UXS1: variants seen among roughly 807,000 people sequenced by gnomAD.
UXS1 encodes the protein UDP-glucuronate decarboxylase 1.
Under a neutral mutation model 62.6 loss-of-function variants are expected in UXS1, and 33 were observed. The observed-to-expected ratio is 0.53, with a 90% CI of 0.40 to 0.70. UXS1 has a LOEUF of 0.70. Among genes scored for constraint, UXS1 ranks in the 30% least tolerant of loss-of-function variants. UXS1 has a pLI of 0.00. For synonymous variants in UXS1, 213 were observed against 206.8 expected (o/e 1.03, Z -0.26); for missense variants, 434 against 556.3 (o/e 0.78, Z 2.21).
intron 6 of UXS1, among the ~76,000 whole-genome samples, chr2:106,139,957 C>T (rs900874086): frequency 1.4e-4 from 21 of 152,316 alleles, no homozygotes; most frequent in African/African-American, 4.6e-4. Flanking sequence ...TACTCCCCAA[C>T]GAGATGTCCC....
intron 9 of UXS1, among the ~76,000 whole-genome samples, chr2:106,120,247 A>G (rs527420076): frequency 1.0e-3 from 155 of 152,324 alleles, no homozygotes; most frequent in Admixed American, 2.2e-3. Flanking sequence ...CCTGGAGCTC[A>G]GGCAATACCA....
At chr2:106,112,850 T>C (rs1678731472) in intron 9 of UXS1, 85 bp from the exon 10 acceptor site, 5 of 1,506,272 alleles carry the variant, frequency 3.3e-6, no homozygotes, top group Non-Finnish European at 3.5e-6. Context: ...CTGCATGCAA[T>C]GCAGAATGGA....
intron 9 of UXS1, among the ~76,000 whole-genome samples, chr2:106,116,721 T>C (rs1397888140): frequency 6.6e-6 from 1 of 152,240 alleles, no homozygotes; most frequent in South Asian, 2.1e-4. Flanking sequence ...GTGGAGTGGC[T>C]TGAGCCTGTG....
chr2:106,127,635 T>TA (rs1235880334), intron 7 of UXS1, among the ~76,000 whole-genome samples: 1 of 152,004 alleles, frequency 6.6e-6, no homozygotes, highest in Non-Finnish European at 1.5e-5. Flanking sequence ...GTGGGCAAGT[T>TA]ACATAGAGGA....
intron 1 of UXS1, among the ~76,000 whole-genome samples, chr2:106,177,179 T>C (rs1573572715): frequency 6.8e-6 from 1 of 147,108 alleles, no homozygotes; most frequent in African/African-American, 2.5e-5. Context: ...TAAAGCTACA[T>C]GCATTTTTTT....
Position 106,093,808 on chromosome 2 carries a change from C to T in UXS1, c.*218G>A. On this transcript the variant is annotated 3_prime_UTR_variant, in exon 15 of 15. Transcript: ENST00000283148. ...GCAGAGATGCATCTACGCTATTTTA[C>T]ATAAAAAGAGAGATTCAAAAAGTGC... The T allele has an allele frequency of 1.9e-6, 1 of 532,082 alleles. No individual in the cohort carries two copies. The highest frequency in any genetic ancestry group is 4.1e-5 in the South Asian group (1 of 24,234). The allele number at this position is 532,082 out of a possible 1,614,324, so 33.0% of individuals were successfully genotyped here. A position where few individuals can be genotyped will look rare whatever the true frequency, so the allele number is the denominator to read the frequency against.
At chr2:106,186,489 T>C (rs1054300293) in intron 1 of UXS1, among the ~76,000 whole-genome samples, 1 of 136,770 alleles carries the variant, frequency 7.3e-6, no homozygotes, top group Non-Finnish European at 1.6e-5. Flanking sequence ...TACATGAATA[T>C]ACGTAAATAT....
rs1280320593 is a variant in UXS1 at position 106,143,427 on chromosome 2, AAAAAAAAAAAAG to A, written c.472+1751_472+1762del. 8.4e-3 allele frequency among the ~76,000 whole-genome samples: 1,245 copies of A among 147,978 alleles called. 18 individuals carry two copies. The highest frequency in any genetic ancestry group is 0.014 in the Non-Finnish European group (962 of 66,790). ...CCGTCTCAAAAAAAAAAAAAAAAAA[AAAAAAAAAAAAG>A]GTATAATTTGGGCAGCACTTAGTGA... On this transcript the variant is annotated intron_variant, in intron 6 of 14. Coordinates refer to ENST00000283148, the MANE Select transcript of UXS1 (RefSeq NM_001253875.2).
intron 1 of UXS1, among the ~76,000 whole-genome samples, chr2:106,192,296 T>C (rs1467902588): frequency 1.3e-5 from 2 of 152,224 alleles, no homozygotes; most frequent in Non-Finnish European, 2.9e-5. Context: ...GGCTTACGCC[T>C]GTAATCCCAG....
At position 106,170,448 on chromosome 2, in the gene UXS1, A is replaced by G. The variant is rs1204487708; in HGVS notation, c.95-4365T>C. On this transcript the variant is annotated intron_variant, in intron 1 of 14. Transcript: ENST00000283148. ...TTTACATTTGTTACACCAGGCATAC[A>G]TGGTCCAAGCACTAAAATTCGTTGA... Among the ~76,000 whole-genome samples, 6 of 152,228 alleles carry G rather than the reference A, an allele frequency of 3.9e-5. No individual in the cohort carries two copies. In the East Asian group the frequency reaches 7.7e-4, roughly 20 times the overall value.
intron 4 of UXS1, among the ~76,000 whole-genome samples, chr2:106,162,957 A>C (rs1682991975): frequency 6.6e-6 from 1 of 152,234 alleles, no homozygotes; most frequent in African/African-American, 2.4e-5. Flanking sequence ...AATAAGGGGA[A>C]AAAATCACAT....
chr2:106,098,828 C>A, intron 12 of UXS1, 55 bp from the exon 13 acceptor site: 1 of 1,514,048 alleles, frequency 6.6e-7, no homozygotes, highest in Admixed American at 1.8e-5. Context: ...AGCAATCCAC[C>A]ACCCAGACCA....
intron 1 of UXS1, among the ~76,000 whole-genome samples, chr2:106,178,675 C>T (rs969320285): frequency 3.9e-5 from 6 of 152,046 alleles, no homozygotes; most frequent in Non-Finnish European, 8.8e-5. Flanking sequence ...ATCTCTTTTA[C>T]AACATTCCAC....
At chr2:106,109,755 C>G (rs1320304632) in intron 10 of UXS1, among the ~76,000 whole-genome samples, 1 of 152,192 alleles carries the variant, frequency 6.6e-6, no homozygotes, top group Non-Finnish European at 1.5e-5. Flanking sequence ...GCATCTGGTA[C>G]AGCAACGAGT....
rs562406856 is a variant in UXS1, at chr2:106,194,227, C to T, written c.15G>A (p.Ala5=). MVSK[A]LLRLVSAVNR... ...TGACGGCAGACACGAGGCGCAGCAGCGCCTTGCTCACCATCCCCGGGAGCC... is the reference window on the plus strand; with the variant it reads ...TGACGGCAGACACGAGGCGCAGCAGTGCCTTGCTCACCATCCCCGGGAGCC... Residue 5 remains alanine (A), a synonymous_variant, in exon 1 of 15, where the codon GCG becomes GCA. Coordinates refer to ENST00000283148, the MANE Select transcript of UXS1 (RefSeq NM_001253875.2). The T allele has an allele frequency of 2.8e-6, 4 of 1,449,474 alleles. No homozygotes were observed. The African/African-American group carries it at 4.4e-5, about 16-fold the overall frequency. The allele number at this position is 1,449,474 out of a possible 1,614,324, so 89.8% of individuals were successfully genotyped here.
intron 11 of UXS1, chr2:106,102,453 A>G (rs915113703): frequency 1.3e-5 from 2 of 152,198 alleles, no homozygotes; most frequent in Non-Finnish European, 2.9e-5. Context: ...TTACATGACA[A>G]ACTGGCAACT....
intron 1 of UXS1, among the ~76,000 whole-genome samples, chr2:106,169,339 A>G (rs1264110604): frequency 2.0e-5 from 3 of 152,170 alleles, no homozygotes; most frequent in Non-Finnish European, 4.4e-5. Context: ...AGACTTTTCA[A>G]ATCATTCCAT....
chr2:106,154,551 G>A (rs886513065), intron 5 of UXS1, among the ~76,000 whole-genome samples: 4 of 152,160 alleles, frequency 2.6e-5, no homozygotes, highest in South Asian at 2.1e-4. Flanking sequence ...CTGGCAATAC[G>A]AGAAGCTGGG....
intron 5 of UXS1, among the ~76,000 whole-genome samples, chr2:106,150,840 T>C (rs1280707642): frequency 6.6e-6 from 1 of 152,132 alleles, no homozygotes; most frequent in Non-Finnish European, 1.5e-5. Context: ...AGCAGCCAGG[T>C]GGACTGAGAC....
Sources: allele counts gnomAD v4.1 joint callset (sites outside exome capture counted in the v4.1 genomes callset), GRCh38; gene constraint gnomAD v4.1.1; transcripts MANE v1.5; gene names NCBI Gene and HGNC (gene_info 2026-07-23, HGNC 2026-07-21).